The following EPC2 variants were observed in gnomAD, a reference collection of about 807,000 sequenced individuals.
The protein encoded by EPC2 is enhancer of polycomb homolog 2.
Under a neutral mutation model 92.1 loss-of-function variants are expected in EPC2, and 14 were observed. That is an observed-to-expected ratio of 0.15 (90% CI 0.10 to 0.24). EPC2 has a LOEUF of 0.24. Among genes scored for constraint, EPC2 ranks in the 10% least tolerant of loss-of-function variants. The pLI is 1.00. For missense variants in EPC2, 755 were observed against 971.5 expected (o/e 0.78, Z 2.96); for synonymous variants, 340 against 334.7 (o/e 1.02, Z -0.17).
chr2:148,645,399 C>G (rs1244876411), intron 1 of EPC2: 8 of 466,804 alleles, frequency 1.7e-5, no homozygotes, highest in Non-Finnish European at 3.1e-5. Flanking sequence ...CGCAGCGCTG[C>G]TTACGCTGCC....
At chr2:148,662,646 A>G (rs1680962367) in intron 1 of EPC2, among the ~76,000 whole-genome samples, 1 of 151,976 alleles carries the variant, frequency 6.6e-6, no homozygotes, top group African/African-American at 2.4e-5. Flanking sequence ...GAAGGGGACC[A>G]TAACACACCG....
intron 2 of EPC2, 61 bp from the exon 3 acceptor site, chr2:148,743,561 A>T: frequency 7.4e-7 from 1 of 1,350,566 alleles, no homozygotes; most frequent in East Asian, 2.6e-5. Context: ...GTCAAATATG[A>T]TGAACAATGT....
intron 2 of EPC2, among the ~76,000 whole-genome samples, chr2:148,721,086 G>A (rs572335940): frequency 2.0e-5 from 3 of 152,178 alleles, no homozygotes; most frequent in African/African-American, 7.2e-5. Context: ...TTAACAGTAA[G>A]AAAATAAAAG....
rs377523496 is a variant in EPC2 at position 148,786,347 on chromosome 2, A to G, written c.2394A>G (p.Ala798=). The G allele has an allele frequency of 9.3e-6, 15 of 1,611,764 alleles. No individual in the cohort carries two copies. In the African/African-American group the frequency reaches 2.0e-4, roughly 21 times the overall value. Residue 798 remains alanine (A), a synonymous_variant, in exon 14 of 14, where the codon GCA becomes GCG. Transcript: ENST00000258484. ...AAAGATTGGGCTTAAATGGAATAGC[A>G]GAGACAACAGTAGCTATGGAAGTGA... ...EPERLGLNGI[A]ETTVAMEVT
At chr2:148,675,306 A>AT (rs1558805451) in intron 1 of EPC2, among the ~76,000 whole-genome samples, 2 of 151,844 alleles carry the variant, frequency 1.3e-5, no homozygotes, top group Admixed American at 6.6e-5. Flanking sequence ...ATTTCAGGTG[A>AT]TTTTTAAAAT....
rs747777107 is a variant in EPC2 at position 148,753,907 on chromosome 2, A to G, written c.460-20A>G. ...TTTTGCAAACATTGTAGCCAATGAC[A>G]TTTTGTATTTTTCATTTAGCTTGTA... On this transcript the variant is annotated intron_variant, in intron 3 of 13. Transcript: ENST00000258484. The G allele has an allele frequency of 1.6e-5, 25 of 1,590,792 alleles. No individual in the cohort carries two copies. The highest frequency in any genetic ancestry group is 2.1e-5 in the Non-Finnish European group (24 of 1,168,078).
chr2:148,754,228 T>A, intron 4 of EPC2, 95 bp downstream of exon 4: 1 of 957,242 alleles, frequency 1.0e-6, no homozygotes, highest in Non-Finnish European at 1.5e-6. Flanking sequence ...AACATAATGG[T>A]AGCTAATGGC....
intron 2 of EPC2, among the ~76,000 whole-genome samples, chr2:148,705,086 T>C (rs1681966148): frequency 6.6e-6 from 1 of 152,072 alleles, no homozygotes; most frequent in African/African-American, 2.4e-5. Context: ...CCCATAAATA[T>C]TTCATTGTTT....
At chr2:148,776,974 A>G (rs951000432) in intron 10 of EPC2, among the ~76,000 whole-genome samples, 10 of 149,776 alleles carry the variant, frequency 6.7e-5, no homozygotes, top group Admixed American at 2.0e-4. Context: ...ATTTTCGTGC[A>G]TCAGCCTCCC....
intron 3 of EPC2, among the ~76,000 whole-genome samples, chr2:148,745,527 T>A (rs559746100): frequency 6.6e-6 from 1 of 152,130 alleles, no homozygotes; most frequent in Non-Finnish European, 1.5e-5. Context: ...TGTGCACATA[T>A]AATCAGCCCC....
At chr2:148,648,760 TGAGTTACATTCTGACA>T (rs1225153243) in intron 1 of EPC2, among the ~76,000 whole-genome samples, 5 of 152,250 alleles carry the variant, frequency 3.3e-5, no homozygotes, top group Non-Finnish European at 5.9e-5. Context: ...ACATTCTGAC[TGAGTTACATTCTGACA>T]ATGCCTGGAT....
intron 4 of EPC2, among the ~76,000 whole-genome samples, chr2:148,759,347 C>T (rs895007425): frequency 2.0e-5 from 3 of 152,318 alleles, no homozygotes; most frequent in South Asian, 2.1e-4. Flanking sequence ...ACCGCCTTGG[C>T]CTCCCAAAGT....
At chr2:148,710,268 T>C (rs913263275) in intron 2 of EPC2, among the ~76,000 whole-genome samples, 1 of 152,242 alleles carries the variant, frequency 6.6e-6, no homozygotes, top group Non-Finnish European at 1.5e-5. Flanking sequence ...TCACTGGTCA[T>C]CAGAGAAATG....
chr2:148,763,919 C>A (rs977332773), intron 6 of EPC2, among the ~76,000 whole-genome samples: 1 of 152,102 alleles, frequency 6.6e-6, no homozygotes, highest in African/African-American at 2.4e-5. Flanking sequence ...TTATTTTAGA[C>A]CTCCTCTATG....
intron 2 of EPC2, among the ~76,000 whole-genome samples, chr2:148,730,129 G>A (rs1371571442): frequency 6.6e-6 from 1 of 152,134 alleles, no homozygotes; most frequent in Non-Finnish European, 1.5e-5. Flanking sequence ...TGGTAGAGGT[G>A]GGAGTTGTGC....
intron 2 of EPC2, among the ~76,000 whole-genome samples, chr2:148,700,535 T>C (rs1681853298): frequency 6.9e-6 from 1 of 144,714 alleles, no homozygotes. Context: ...CAAAGATCTT[T>C]TGTCAAAAAC....
intron 1 of EPC2, among the ~76,000 whole-genome samples, chr2:148,675,204 T>C (rs1194789718): frequency 6.8e-6 from 1 of 148,096 alleles, no homozygotes; most frequent in East Asian, 1.9e-4. Flanking sequence ...ATTTCTGAGA[T>C]TTTTTTTTCC....
chr2:148,704,642 A>T (rs1333383943), intron 2 of EPC2, among the ~76,000 whole-genome samples: 2 of 152,218 alleles, frequency 1.3e-5, no homozygotes. Flanking sequence ...CCCCAAACTA[A>T]TTGATAAAGA....
At chr2:148,729,669 A>G (rs538391085) in intron 2 of EPC2, among the ~76,000 whole-genome samples, 18 of 152,248 alleles carry the variant, frequency 1.2e-4, no homozygotes, top group Non-Finnish European at 1.3e-4. Context: ...GATGAATGAG[A>G]AAAAACCTAA....
Sources: gnomAD v4.1 joint callset for allele counts (sites outside exome capture counted in the v4.1 genomes callset) on GRCh38, gnomAD v4.1.1 for gene constraint, MANE v1.5 for transcripts, NCBI Gene and HGNC (gene_info 2026-07-23, HGNC 2026-07-21) for gene names.